AGBL1: variants seen among roughly 807,000 people sequenced by gnomAD.
AGBL1 encodes the protein AGBL carboxypeptidase 1.
In AGBL1, 130 loss-of-function variants were observed where a neutral mutation model predicts 118.9. That is an observed-to-expected ratio of 1.09 (90% CI 0.95 to 1.26). The LOEUF (loss-of-function observed/expected upper bound fraction) is 1.26, where lower values mean the gene tolerates loss of function less well. Ranked by LOEUF, AGBL1 falls within the 50% of genes most tolerant of loss-of-function variation. The pLI is 0.00. For missense variants in AGBL1, 1,584 were observed against 1,298.1 expected (o/e 1.22, Z -3.38); for synonymous variants, 555 against 478.9 (o/e 1.16, Z -2.08).
intron 17 of AGBL1, among the ~76,000 whole-genome samples, chr15:86,320,220 T>A (rs1338178302): frequency 6.6e-6 from 1 of 152,220 alleles, no homozygotes; most frequent in Non-Finnish European, 1.5e-5. Flanking sequence ...ATTCCTATGA[T>A]ATCTAATGCT....
chr15:86,761,031 C>G (rs2078015537), intron 22 of AGBL1, among the ~76,000 whole-genome samples: 1 of 152,028 alleles, frequency 6.6e-6, no homozygotes, highest in Non-Finnish European at 1.5e-5. Flanking sequence ...GTATTCTAGC[C>G]TTGCCTTCTC....
At chr15:86,944,142 G>C (rs910046040) in intron 23 of AGBL1, among the ~76,000 whole-genome samples, 3 of 151,964 alleles carry the variant, frequency 2.0e-5, no homozygotes, top group Non-Finnish European at 4.4e-5. Flanking sequence ...AGGCTGAGGC[G>C]GGCGGATCAC....
chr15:86,680,565 C>CTTTTTTTTTTTTTTTT (rs34873609), intron 22 of AGBL1, among the ~76,000 whole-genome samples: 9 of 94,678 alleles, frequency 9.5e-5, no homozygotes, highest in Admixed American at 1.3e-4. Flanking sequence ...TCTTTCTTTT[C>CTTTTTTTTTTTTTTTT]TTTTTTTTTT....
intron 5 of AGBL1, among the ~76,000 whole-genome samples, chr15:86,185,550 T>G (rs2141811395): frequency 6.6e-6 from 1 of 152,228 alleles, no homozygotes; most frequent in African/African-American, 2.4e-5. Flanking sequence ...ACGTGGGACA[T>G]ATATACCACG....
At chr15:86,539,672 C>A (rs1422727454) in intron 19 of AGBL1, among the ~76,000 whole-genome samples, 1 of 152,204 alleles carries the variant, frequency 6.6e-6, no homozygotes, top group Non-Finnish European at 1.5e-5. Flanking sequence ...CTCAAATCTA[C>A]AGATCCTTCT....
chr15:86,217,582 T>G (rs1449261746), intron 5 of AGBL1, among the ~76,000 whole-genome samples: 1 of 152,190 alleles, frequency 6.6e-6, no homozygotes, highest in African/African-American at 2.4e-5. Flanking sequence ...CAAGGGAGTC[T>G]TTCTACAGGA....
chr15:86,702,856 T>A (rs1049414953), intron 22 of AGBL1, among the ~76,000 whole-genome samples: 1 of 123,356 alleles, frequency 8.1e-6, no homozygotes, highest in African/African-American at 3.1e-5. Flanking sequence ...GGTAATTACG[T>A]CAACCTCCAA....
intron 1 of AGBL1, among the ~76,000 whole-genome samples, chr15:86,119,342 T>G (rs1020846849): frequency 7.0e-6 from 1 of 142,434 alleles, no homozygotes; most frequent in African/African-American, 2.6e-5. Flanking sequence ...GTCTTTGCTT[T>G]TTTTTTTTGG....
chr15:86,251,141 A>C (rs2078808937), intron 7 of AGBL1, among the ~76,000 whole-genome samples: 1 of 152,124 alleles, frequency 6.6e-6, no homozygotes, highest in Admixed American at 6.5e-5. Flanking sequence ...TTGAGGTAGG[A>C]TCTATTATTA....
intron 22 of AGBL1, among the ~76,000 whole-genome samples, chr15:86,825,249 A>G (rs1199248514): frequency 6.6e-6 from 1 of 151,898 alleles, no homozygotes; most frequent in Non-Finnish European, 1.5e-5. Flanking sequence ...TTATTCAATA[A>G]TTGGCTGAGT....
intron 18 of AGBL1, among the ~76,000 whole-genome samples, chr15:86,445,031 C>T (rs1217567775): frequency 6.6e-6 from 1 of 152,172 alleles, no homozygotes; most frequent in African/African-American, 2.4e-5. Flanking sequence ...ACCACGTTGT[C>T]TTTGCCTGTC....
chr15:86,233,810 C>G (rs535435391), intron 6 of AGBL1, among the ~76,000 whole-genome samples: 50 of 152,236 alleles, frequency 3.3e-4, no homozygotes, highest in African/African-American at 1.2e-3. Context: ...ACTAACAGAC[C>G]TAATGAAACA....
rs1315467030 is a variant in AGBL1, at chr15:86,636,732, T to C, written c.2995-37541T>C. On this transcript the variant is annotated intron_variant, in intron 21 of 22. Transcript: ENST00000614907. ...ATATATATATATATATATATATATA[T>C]ATATATATATATATATATATATATA... Among the ~76,000 whole-genome samples, 51 of 49,696 alleles carry C rather than the reference T, an allele frequency of 1.0e-3. 3 individuals are homozygous for C. Among genetic ancestry groups the C allele is most frequent in the East Asian group, 1.6e-3 (1 of 618 alleles). The allele number at this position is 49,696 out of a possible 152,430, so 32.6% of individuals were successfully genotyped here.
rs1230136857 is a variant in AGBL1 at position 86,390,830 on chromosome 15, C to T, written c.2375-6536C>T. 3.3e-5 allele frequency among the ~76,000 whole-genome samples: 5 copies of T among 151,836 alleles called. No individual in the cohort carries two copies. The East Asian group carries it at 9.7e-4, about 30-fold the overall frequency. On this transcript the variant is annotated intron_variant, in intron 17 of 22. Coordinates refer to ENST00000614907, the MANE Select transcript of AGBL1 (RefSeq NM_001386094.1). Reference sequence around the variant, plus strand: ...GATTACAGGCGCCTACCACCATGCCCAGCAAATTTTTGTATTTTTAGTAGG... The same window carrying T: ...GATTACAGGCGCCTACCACCATGCCTAGCAAATTTTTGTATTTTTAGTAGG...
At chr15:86,480,098 AG>A (rs1183553298) in intron 18 of AGBL1, among the ~76,000 whole-genome samples, 1 of 148,134 alleles carries the variant, frequency 6.8e-6, no homozygotes. Flanking sequence ...GGGTGGGGAG[AG>A]GGGGGAGGGA....
At chr15:86,886,316 A>G (rs1013223565) in intron 22 of AGBL1, among the ~76,000 whole-genome samples, 1 of 152,260 alleles carries the variant, frequency 6.6e-6, no homozygotes, top group Non-Finnish European at 1.5e-5. Context: ...TATTTTGGGA[A>G]GAAATGGCCC....
intron 1 of AGBL1, among the ~76,000 whole-genome samples, chr15:86,086,557 A>G (rs1895669093): frequency 6.6e-6 from 1 of 152,196 alleles, no homozygotes. Flanking sequence ...ACAGGGCATG[A>G]TAGAAAACAG....
chr15:86,442,007 C>T (rs2082069890), intron 18 of AGBL1, among the ~76,000 whole-genome samples: 1 of 152,220 alleles, frequency 6.6e-6, no homozygotes, highest in Non-Finnish European at 1.5e-5. Context: ...GATGGTAACA[C>T]AACTGATGAA....
intron 22 of AGBL1, among the ~76,000 whole-genome samples, chr15:86,734,602 C>A (rs2077567689): frequency 1.3e-5 from 2 of 152,098 alleles, no homozygotes; most frequent in South Asian, 4.2e-4. Flanking sequence ...CTGCTCAGAG[C>A]CACAGCCGGC....
Sources: gnomAD v4.1 joint callset for allele counts (sites outside exome capture counted in the v4.1 genomes callset) on GRCh38, gnomAD v4.1.1 for gene constraint, MANE v1.5 for transcripts, NCBI Gene and HGNC (gene_info 2026-07-23, HGNC 2026-07-21) for gene names.